Variants in MEGF6 observed in about 807,000 individuals in gnomAD.
MEGF6 encodes the protein multiple epidermal growth factor-like domains protein 6.
In MEGF6, 184 loss-of-function variants were observed where a neutral mutation model predicts 207.1. The observed-to-expected ratio is 0.89, with a 90% CI of 0.79 to 1.00. MEGF6 has a LOEUF of 1.00. Ranked by LOEUF, MEGF6 falls within the 50% of genes least tolerant of loss-of-function variation. MEGF6 has a pLI of 0.00. For missense variants in MEGF6, 2,282 were observed against 2,202.9 expected, an observed-to-expected ratio of 1.04 and a Z score of -0.72; for synonymous variants, 1,038 against 910.0, an observed-to-expected ratio of 1.14 and a Z score of -2.53.
At chr1:3,524,884 G>A (rs1001050524) in intron 4 of MEGF6, among the ~76,000 whole-genome samples, 5 of 152,154 alleles carry the variant, frequency 3.3e-5, no homozygotes, top group Admixed American at 1.3e-4. Context: ...AGGGCCATGT[G>A]GAGACCAGGC....
Position 3,508,628 on chromosome 1 carries a change from T to C in MEGF6, c.1590A>G (p.Gly530=). 6.2e-7 allele frequency: 1 copy of C among 1,613,460 alleles called. No homozygotes were observed. Among genetic ancestry groups the C allele is most frequent in the South Asian group, 1.1e-5 (1 of 91,076 alleles). ...CSLTCDDCRN[G]GTCLLGLDGC... is the part of the protein sequence containing the mutation. Reference sequence around the variant, plus strand: ...CATCCAGGCCCAGGAGGCAGGTCCCTCCGTTCCTGCAGTCATCACAGGTCA... The same window carrying C: ...CATCCAGGCCCAGGAGGCAGGTCCCCCCGTTCCTGCAGTCATCACAGGTCA... The change falls in exon 13 of 37, where the codon GGA becomes GGG. Residue 530 remains glycine (G), a synonymous_variant. Coordinates refer to ENST00000356575, the MANE Select transcript of MEGF6 (RefSeq NM_001409.4).
intron 23 of MEGF6, 35 bp downstream of exon 23, chr1:3,499,553 T>C (rs759198144): frequency 5.1e-6 from 8 of 1,555,610 alleles, no homozygotes; most frequent in Non-Finnish European, 6.9e-6. Context: ...CACCCCCTCC[T>C]GCAGCACCCC....
chr1:3,500,250 G>T (rs1640797873), intron 21 of MEGF6, among the ~76,000 whole-genome samples: 1 of 152,218 alleles, frequency 6.6e-6, no homozygotes, highest in South Asian at 2.1e-4. Flanking sequence ...TCAGTCCTAA[G>T]CAGACCCCTT....
At chr1:3,585,791 G>A (rs375122644) in intron 3 of MEGF6, among the ~76,000 whole-genome samples, 2,551 of 145,926 alleles carry the variant, frequency 0.017, 120 homozygotes, top group African/African-American at 0.063. Flanking sequence ...GTGTGTGGGT[G>A]TGAGTGACAC....
At position 3,524,699 on chromosome 1, in the gene MEGF6, C is replaced by A. The variant is rs527877832; in HGVS notation, c.482-453G>T. 1.1e-3 allele frequency among the ~76,000 whole-genome samples: 162 copies of A among 152,310 alleles called. 1 individual carries two copies. Among genetic ancestry groups the A allele is most frequent in the Non-Finnish European group, 2.0e-3 (136 of 68,024 alleles). Reference sequence around the variant, plus strand: ...GGGGGAAGCCTGAGAAAGGGGAGGGCGTGCTGGCTTCAAGAGTGTCCCCGC... The same window carrying A: ...GGGGGAAGCCTGAGAAAGGGGAGGGAGTGCTGGCTTCAAGAGTGTCCCCGC... On this transcript the variant is annotated intron_variant, in intron 4 of 36. Transcript: ENST00000356575.
chr1:3,598,372 C>T (rs893624284), intron 2 of MEGF6, among the ~76,000 whole-genome samples: 5 of 152,176 alleles, frequency 3.3e-5, no homozygotes, highest in Non-Finnish European at 5.9e-5. Flanking sequence ...TGCACAGAGA[C>T]GCTCTGGGAG....
intron 4 of MEGF6, among the ~76,000 whole-genome samples, chr1:3,559,739 C>A (rs1339943825): frequency 6.6e-6 from 1 of 152,048 alleles, no homozygotes; most frequent in East Asian, 1.9e-4. Flanking sequence ...CGGCCGGGTA[C>A]GGTGGCTCAA....
intron 30 of MEGF6, among the ~76,000 whole-genome samples, chr1:3,495,409 G>T (rs1295185586): frequency 6.6e-6 from 1 of 152,300 alleles, no homozygotes; most frequent in Middle Eastern, 3.4e-3. Context: ...GTCTGAGCAG[G>T]AGCCACTACG....
chr1:3,534,812 G>C (rs1642277180), intron 4 of MEGF6, among the ~76,000 whole-genome samples: 1 of 152,048 alleles, frequency 6.6e-6, no homozygotes, highest in African/African-American at 2.4e-5. Context: ...CCTCTCCCTT[G>C]ATAGCCATCA....
In MEGF6 at chr1:3,560,351, G is replaced by T. The variant is rs1250292448; in HGVS notation, c.481+19474C>A. Among the ~76,000 whole-genome samples, 1 of 152,172 alleles carries T rather than the reference G, an allele frequency of 6.6e-6. No individual in the cohort carries two copies. Among genetic ancestry groups the T allele is most frequent in the African/African-American group, 2.4e-5 (1 of 41,444 alleles). ...GGGTTCCTTTCAGGGCCCACTAGGG[G>T]CTGTGCATTCCATGGACTTGGACAA... On this transcript the variant is annotated intron_variant, in intron 4 of 36. Coordinates refer to ENST00000356575, the MANE Select transcript of MEGF6 (RefSeq NM_001409.4). The surrounding 1 kb of genome is among the most constrained non-coding windows in gnomAD (Gnocchi z 4.0).
At chr1:3,553,348 C>G (rs1642941446) in intron 4 of MEGF6, among the ~76,000 whole-genome samples, 1 of 151,988 alleles carries the variant, frequency 6.6e-6, no homozygotes, top group Admixed American at 6.5e-5. Flanking sequence ...CCTGGGCGTG[C>G]TGGGTCTTTT....
chr1:3,575,155 C>G (rs1643606455), intron 4 of MEGF6, among the ~76,000 whole-genome samples: 1 of 152,206 alleles, frequency 6.6e-6, no homozygotes, highest in Non-Finnish European at 1.5e-5. Flanking sequence ...CAATTCTGAG[C>G]CAAGCCCAGG....
At chr1:3,614,124 C>G (rs1368508879), upstream of MEGF6, among the ~76,000 whole-genome samples, 2 of 152,190 alleles carry the variant, frequency 1.3e-5, no homozygotes, top group African/African-American at 4.8e-5. Context: ...GGTCTTCCCC[C>G]ACTGCGCTCG....
chr1:3,536,093 C>T (rs959303535), intron 4 of MEGF6, among the ~76,000 whole-genome samples: 1 of 152,152 alleles, frequency 6.6e-6, no homozygotes, highest in Non-Finnish European at 1.5e-5. Context: ...CCTGAACGAG[C>T]CTTCCCTGGC....
chr1:3,579,896 C>T lies in MEGF6; in HGVS notation c.410G>A (p.Gly137Asp). The change falls in exon 4 of 37, where the codon GGC (glycine) becomes GAC (aspartate). Residue 137 changes from glycine to aspartate, a missense_variant. By Grantham distance (94) the Gly-to-Asp change is moderately conservative (BLOSUM62 -1). Coordinates refer to ENST00000356575, the MANE Select transcript of MEGF6 (RefSeq NM_001409.4). ...ECSASLCFHG[G>D]RCVPGSAQPC... ...CTGGGCTGAGCCTGGCACACAACGG[C>T]CACCGTGAAAACAGAGGCTGGCGCT... 1 of 1,537,074 alleles carries T rather than the reference C, an allele frequency of 6.5e-7. No individual in the cohort carries two copies. Among genetic ancestry groups the T allele is most frequent in the Admixed American group, 2.3e-5 (1 of 43,986 alleles).
In MEGF6 at chr1:3,573,713, G is replaced by A. The variant is rs553918162; in HGVS notation, c.481+6112C>T. Among the ~76,000 whole-genome samples the A allele has an allele frequency of 6.6e-6, 1 of 152,268 alleles. No individual in the cohort carries two copies. The highest frequency in any genetic ancestry group is 2.4e-5 in the African/African-American group (1 of 41,548). On this transcript the variant is annotated intron_variant, in intron 4 of 36. Coordinates refer to ENST00000356575, the MANE Select transcript of MEGF6 (RefSeq NM_001409.4). This position sits in a 1 kb window ranked among gnomAD's most constrained non-coding sequence, Gnocchi z 5.1. ...GTCCTCCCCTCCCACCACTCCCTGG[G>A]GCACAGAGTCTGAGTCTGGCAGCGG... is the stretch of plus-strand genomic sequence containing the variant.
chr1:3,571,818 G>A (rs1255465972), intron 4 of MEGF6, among the ~76,000 whole-genome samples: 2 of 133,998 alleles, frequency 1.5e-5, no homozygotes, highest in African/African-American at 2.9e-5. Flanking sequence ...GGTGTGCTGG[G>A]TCCTGCTGGG....
intron 26 of MEGF6, 160 bp from the exon 27 acceptor site, chr1:3,497,521 C>T (rs893095896): frequency 1.5e-5 from 15 of 1,002,926 alleles, no homozygotes; most frequent in African/African-American, 8.4e-5. Flanking sequence ...CCCGCCACCC[C>T]GGAGGGCAGA....
chr1:3,545,391 A>T (rs1464955839), intron 4 of MEGF6, among the ~76,000 whole-genome samples: 1 of 151,972 alleles, frequency 6.6e-6, no homozygotes, highest in African/African-American at 2.4e-5. Context: ...GCAGGGGGGA[A>T]AATGTAAGCT....
Sources: allele counts gnomAD v4.1 joint callset (sites outside exome capture counted in the v4.1 genomes callset), GRCh38; gene constraint gnomAD v4.1.1; non-coding constraint Gnocchi (gnomAD v3.1); transcripts MANE v1.5; gene names NCBI Gene and HGNC (gene_info 2026-07-23, HGNC 2026-07-21).